PTGR2: variants seen among roughly 807,000 people sequenced by gnomAD.
PTGR2 encodes the protein prostaglandin reductase 2.
In PTGR2, 32 loss-of-function variants were observed where a neutral mutation model predicts 43.4. The observed-to-expected ratio is 0.74, with a 90% confidence interval of 0.56 to 0.99. The LOEUF (loss-of-function observed/expected upper bound fraction) is 0.99. Among genes scored for constraint, PTGR2 ranks in the 50% least tolerant of loss-of-function variants. The probability of loss-of-function intolerance (pLI) is 0.00; values close to 1 mark genes in which losing one functional copy is unlikely to be tolerated. For missense variants in PTGR2, 373 were observed against 420.0 expected (o/e 0.89, Z 0.98); for synonymous variants, 106 against 139.2 (o/e 0.76, Z 1.68).
In PTGR2 at chr14:73,858,843, A is replaced by T. The variant is rs2054422772; in HGVS notation, c.-20A>T. ...GTATTTTATACAGAAATCTTGTGAA[A>T]CCACTGCCCAACCAGAGCAATGATT... On this transcript the variant is annotated 5_prime_UTR_variant, in exon 2 of 10. Coordinates refer to ENST00000555661, the MANE Select transcript of PTGR2 (RefSeq NM_001146154.2). 3.1e-6 allele frequency: 5 copies of T among 1,605,510 alleles called. No homozygotes were observed. Among genetic ancestry groups the T allele is most frequent in the African/African-American group, 1.3e-5 (1 of 74,590 alleles).
At chr14:73,882,309 A>G in intron 8 of PTGR2, 90 bp from the exon 9 acceptor site, 2 of 797,918 alleles carry the variant, frequency 2.5e-6, no homozygotes, top group Non-Finnish European at 4.2e-6. Context: ...AAAGTGCTAA[A>G]TAGTATTGCT....
At chr14:73,855,502 A>G (rs62005573) in intron 1 of PTGR2, among the ~76,000 whole-genome samples, 74,210 of 151,626 alleles carry the variant, frequency 0.49, 18,376 homozygotes, top group South Asian at 0.61. Context: ...ACTGGAGTAC[A>G]GTGGCGTGAT....
At chr14:73,871,125 G>A (rs919721412) in intron 3 of PTGR2, among the ~76,000 whole-genome samples, 4 of 152,162 alleles carry the variant, frequency 2.6e-5, no homozygotes, top group Non-Finnish European at 4.4e-5. Flanking sequence ...GGGACAGCAG[G>A]TGAAGGTTGA....
At chr14:73,858,724 C>G (rs1008501460) in intron 1 of PTGR2, 92 bp from the exon 2 acceptor site, 32 of 528,784 alleles carry the variant, frequency 6.1e-5, no homozygotes, top group Admixed American at 1.4e-4. Flanking sequence ...ATTTTTCTCC[C>G]TCTTCATTGG....
chr14:73,876,204 G>A (rs999131642), intron 4 of PTGR2, among the ~76,000 whole-genome samples: 1 of 152,126 alleles, frequency 6.6e-6, no homozygotes, highest in Non-Finnish European at 1.5e-5. Flanking sequence ...ACTGATGAAT[G>A]GTTTACTCTT....
At position 73,883,188 on chromosome 14, in the gene PTGR2, C is replaced by CTTTTTTTTT. The variant is rs58234739; in HGVS notation, c.979+774_979+782dup. Among the ~76,000 whole-genome samples, 388 of 58,136 alleles carry CTTTTTTTTT rather than the reference C, an allele frequency of 6.7e-3. 36 individuals carry two copies. The highest frequency in any genetic ancestry group is 0.059 in the East Asian group (44 of 752). The allele number at this position is 58,136 out of a possible 152,430, so 38.1% of individuals were successfully genotyped here. A position where few individuals can be genotyped will look rare whatever the true frequency, so the allele number is the denominator to read the frequency against. On this transcript the variant is annotated intron_variant, in intron 9 of 9. Transcript: ENST00000555661. The stretch of plus-strand genomic sequence containing the variant: ...CCTGCCCTTCCCTCCCCTCACCTCC[C>CTTTTTTTTT]TTTTTTTTTTTTTTTTTTTTTTTTT...
intron 1 of PTGR2, among the ~76,000 whole-genome samples, chr14:73,857,620 CA>C (rs111810763): frequency 0.51 from 68,147 of 133,656 alleles, 17,672 homozygotes; most frequent in South Asian, 0.64. Flanking sequence ...TCCCCCACTC[CA>C]AAAAAAAAAT....
intron 1 of PTGR2, among the ~76,000 whole-genome samples, chr14:73,856,795 A>G (rs1003084210): frequency 6.6e-6 from 1 of 152,202 alleles, no homozygotes; most frequent in African/African-American, 2.4e-5. Context: ...CACATTTCTC[A>G]GCATGTATCC....
At position 73,883,188 on chromosome 14, in the gene PTGR2, C is replaced by CTTTTTTTTTTT. The variant is rs58234739; in HGVS notation, c.979+772_979+782dup. On this transcript the variant is annotated intron_variant, in intron 9 of 9. Transcript: ENST00000555661. ...CCTGCCCTTCCCTCCCCTCACCTCC[C>CTTTTTTTTTTT]TTTTTTTTTTTTTTTTTTTTTTTTT... is the stretch of plus-strand genomic sequence containing the variant. Among the ~76,000 whole-genome samples, 58 of 58,150 alleles carry CTTTTTTTTTTT rather than the reference C, an allele frequency of 1.0e-3. 4 individuals are homozygous for CTTTTTTTTTTT. Among genetic ancestry groups the CTTTTTTTTTTT allele is most frequent in the East Asian group, 6.6e-3 (5 of 752 alleles). The allele number at this position is 58,150 out of a possible 152,430, so 38.1% of individuals were successfully genotyped here.
At chr14:73,871,341 C>CTTTTTTTTTTTTTTTTTTTTTTGTTTTT (rs2054723438) in intron 3 of PTGR2, among the ~76,000 whole-genome samples, 1 of 67,878 alleles carries the variant, frequency 1.5e-5, no homozygotes, top group Non-Finnish European at 2.7e-5. Flanking sequence ...GGCTGTTCAT[C>CTTTTTTTTTTTTTTTTTTTTTTGTTTTT]TTTTTTTTTT....
chr14:73,860,639 T>TTCTGTGGA lies in PTGR2; in HGVS notation c.141_148dup (p.Pro50LeufsTer10), dbSNP rs2054468202. The TTCTGTGGA allele has an allele frequency of 7.0e-7, 1 of 1,435,064 alleles. No homozygotes were observed. Among genetic ancestry groups the TTCTGTGGA allele is most frequent in the Admixed American group, 1.9e-5 (1 of 53,912 alleles). The allele number at this position is 1,435,064 out of a possible 1,614,324, so 88.9% of individuals were successfully genotyped here. On this transcript the variant is annotated frameshift_variant, in exon 3 of 10. Transcript: ENST00000555661. LOFTEE classifies it high-confidence loss of function. ...AAGTACAAGTTAGAACTCTTTATCT[T>TTCTGTGGA]TCTGTGGATCCTTACATGGTAAGAA...
intron 5 of PTGR2, chr14:73,878,789 G>C: frequency 2.8e-6 from 1 of 359,024 alleles, no homozygotes. Context: ...TGTTCAGTAG[G>C]TTAGGTATAT....
At chr14:73,878,977 T>C in intron 5 of PTGR2, 119 bp from the exon 6 acceptor site, 1 of 775,440 alleles carries the variant, frequency 1.3e-6, no homozygotes, top group Non-Finnish European at 2.0e-6. Context: ...AAAAGCAGCG[T>C]AATCTAACCT....
intron 1 of PTGR2, 61 bp downstream of exon 1, chr14:73,852,004 G>T (rs2054236504): frequency 6.6e-6 from 1 of 152,222 alleles, no homozygotes; most frequent in Non-Finnish European, 1.5e-5. Context: ...GGGCCCCAGC[G>T]GTGAGGAAGA....
intron 4 of PTGR2, 78 bp from the exon 5 acceptor site, chr14:73,876,920 C>A: frequency 9.3e-7 from 1 of 1,079,232 alleles, no homozygotes; most frequent in Non-Finnish European, 1.4e-6. Flanking sequence ...GCAATTCAGT[C>A]CATAACACGT....
At chr14:73,869,699 T>G (rs1432740452) in intron 3 of PTGR2, among the ~76,000 whole-genome samples, 1 of 152,102 alleles carries the variant, frequency 6.6e-6, no homozygotes, top group African/African-American at 2.4e-5. Flanking sequence ...TGGGATACTT[T>G]CACTAGACAT....
At position 73,867,190 on chromosome 14, in the gene PTGR2, C is replaced by T. The variant is rs114747833; in HGVS notation, c.156+6533C>T. 4.4e-3 allele frequency among the ~76,000 whole-genome samples: 669 copies of T among 151,860 alleles called. 6 individuals are homozygous for T. The highest frequency in any genetic ancestry group is 0.016 in the African/African-American group (651 of 41,458). ...TGGAGCATCATTCTTCTCCTGTCCT[C>T]AGAGTTCCTGGTTCTCAGGCCTTCA... On this transcript the variant is annotated intron_variant, in intron 3 of 9. Transcript: ENST00000555661.
At position 73,881,238 on chromosome 14, in the gene PTGR2, A is replaced by T; in HGVS notation, c.885A>T (p.Lys295Asn). Residue 295 changes from lysine (K) to asparagine (N), a missense_variant, in exon 8 of 10, where the codon AAA becomes AAT. By Grantham distance (94) the Lys-to-Asn change is moderately conservative. Transcript: ENST00000555661. Reference protein sequence around the residue: ...ERFLVLNYKDKFEPGILQLSQ... With the variant: ...ERFLVLNYKDNFEPGILQLSQ... ...TTCTGGTATTAAATTATAAAGACAA[A>T]TTTGAGCCTGGCATTCTACAGCTGA... The T allele has an allele frequency of 6.2e-7, 1 of 1,610,866 alleles. No individual in the cohort carries two copies. The highest frequency in any genetic ancestry group is 8.5e-7 in the Non-Finnish European group (1 of 1,177,222).
Position 73,874,129 on chromosome 14 carries a change from C to G in PTGR2, c.263C>G (p.Thr88Arg), listed in dbSNP as rs200904707. Residue 88 changes from threonine to arginine, a missense_variant, in exon 4 of 10, where the codon ACA becomes AGA. Thr to Arg is a moderately conservative substitution (Grantham distance 71, BLOSUM62 -1). Transcript: ENST00000555661. ...GGAATTATAGAAGAAAGCAAACACA[C>G]AAATTTGACTAAAGGCGATTTTGTG... Reference protein sequence around the residue: ...GIGIIEESKHTNLTKGDFVTS... With the variant: ...GIGIIEESKHRNLTKGDFVTS... 4.0e-5 allele frequency: 65 copies of G among 1,613,930 alleles called. No homozygotes were observed. The Admixed American group carries it at 4.5e-4, about 11-fold the overall frequency.
Sources: allele counts gnomAD v4.1 joint callset (sites outside exome capture counted in the v4.1 genomes callset), GRCh38; gene constraint gnomAD v4.1.1; transcripts MANE v1.5; gene names NCBI Gene and HGNC (gene_info 2026-07-23, HGNC 2026-07-21).